The following LEP variants were observed in gnomAD, a reference collection of about 807,000 sequenced individuals.
The protein encoded by LEP is leptin (murine obesity homolog).
Under a neutral mutation model 9.8 loss-of-function variants are expected in LEP, and 6 were observed. The observed-to-expected ratio is 0.61, with a 90% confidence interval of 0.34 to 1.21. The LOEUF (loss-of-function observed/expected upper bound fraction) is 1.21, where lower values mean the gene tolerates loss of function less well. LEP is among the 50% of genes most tolerant of loss of function. The probability of loss-of-function intolerance (pLI) is 0.04; values close to 1 mark genes in which losing one functional copy is unlikely to be tolerated. For synonymous variants in LEP, 112 were observed against 81.7 expected (o/e 1.37, Z -2.00); for missense variants, 134 against 198.1 (o/e 0.68, Z 1.94).
chr7:128,254,153 G>T (rs1197447378), intron 2 of LEP, among the ~76,000 whole-genome samples: 1 of 152,166 alleles, frequency 6.6e-6, no homozygotes, highest in East Asian at 1.9e-4. Context: ...GTAGAGAAAG[G>T]AATGACCTAG....
At chr7:128,246,493 C>T (rs1795212815) in intron 1 of LEP, among the ~76,000 whole-genome samples, 1 of 152,136 alleles carries the variant, frequency 6.6e-6, no homozygotes, top group Non-Finnish European at 1.5e-5. Flanking sequence ...CTTGCTGTGT[C>T]ACACAGGCTG....
At chr7:128,252,528 G>A (rs780191483) in intron 2 of LEP, among the ~76,000 whole-genome samples, 13 of 152,046 alleles carry the variant, frequency 8.6e-5, no homozygotes, top group Non-Finnish European at 1.8e-4. Context: ...CCAAGAGTTC[G>A]AGACCAGCCT....
chr7:128,242,017 G>A (rs4731426), intron 1 of LEP, among the ~76,000 whole-genome samples: 5 of 152,078 alleles, frequency 3.3e-5, no homozygotes, highest in African/African-American at 1.2e-4. Context: ...TGCTAAATAC[G>A]CGCTGTTGGC....
At position 128,255,165 on chromosome 7, in the gene LEP, T is replaced by C. The variant is rs554578326; in HGVS notation, c.*402T>C. The C allele has an allele frequency of 1.8e-5, 4 of 221,336 alleles. No individual in the cohort carries two copies. The South Asian group carries it at 2.3e-4, about 13-fold the overall frequency. The allele number at this position is 221,336 out of a possible 1,614,324, so 13.7% of individuals were successfully genotyped here. On this transcript the variant is annotated 3_prime_UTR_variant, in exon 3 of 3. Transcript: ENST00000308868. ...GAGCCTTTGGATGACCAGAACAAGGTTCCCTCTGAGAATTCCAAGGAGTTC... is the reference window on the plus strand; with the variant it reads ...GAGCCTTTGGATGACCAGAACAAGGCTCCCTCTGAGAATTCCAAGGAGTTC...
intron 1 of LEP, among the ~76,000 whole-genome samples, chr7:128,246,817 C>A (rs1005526187): frequency 6.6e-6 from 1 of 152,008 alleles, no homozygotes; most frequent in Non-Finnish European, 1.5e-5. Context: ...CATTTCTTCT[C>A]CAGGGTACCC....
chr7:128,243,469 G>A (rs1232355562), intron 1 of LEP, among the ~76,000 whole-genome samples: 1 of 152,168 alleles, frequency 6.6e-6, no homozygotes, highest in Non-Finnish European at 1.5e-5. Context: ...GCAGGAGCCA[G>A]GCTCATGAAA....
Position 128,257,532 on chromosome 7 carries a change from G to A in LEP, c.*2769G>A, listed in dbSNP as rs1469708105. ...TACAGTGAGCCAAGATCGCGCCACT[G>A]CACTCCGGCCTGATGACAGAGCGAG... On this transcript the variant is annotated 3_prime_UTR_variant, in exon 3 of 3. Transcript: ENST00000308868. 6.8e-6 allele frequency: 1 copy of A among 147,264 alleles called. No individual in the cohort carries two copies. Among genetic ancestry groups the A allele is most frequent in the Non-Finnish European group, 1.5e-5 (1 of 67,486 alleles). 9.1% of individuals were successfully genotyped at this position (147,264 alleles called of 1,614,324 possible). A position where few individuals can be genotyped will look rare whatever the true frequency, so the allele number is the denominator to read the frequency against.
intron 1 of LEP, among the ~76,000 whole-genome samples, chr7:128,247,603 C>G (rs528344404): frequency 6.6e-6 from 1 of 152,322 alleles, no homozygotes; most frequent in Non-Finnish European, 1.5e-5. Flanking sequence ...GGGCTGCCCT[C>G]TCCTCCACCT....
At chr7:128,250,836 G>A (rs559791973) in intron 1 of LEP, among the ~76,000 whole-genome samples, 1 of 152,186 alleles carries the variant, frequency 6.6e-6, no homozygotes, top group Non-Finnish European at 1.5e-5. Context: ...TATTATTTCA[G>A]GCTCATGCAC....
At chr7:128,246,027 C>T (rs948320154) in intron 1 of LEP, among the ~76,000 whole-genome samples, 10 of 151,014 alleles carry the variant, frequency 6.6e-5, no homozygotes, top group African/African-American at 1.5e-4. Context: ...GCCGAGGTCA[C>T]GCCACTGCAC....
chr7:128,246,361 G>A (rs1268068494), intron 1 of LEP, among the ~76,000 whole-genome samples: 1 of 152,210 alleles, frequency 6.6e-6, no homozygotes, highest in Admixed American at 6.5e-5. Flanking sequence ...GAGGACCCAG[G>A]TGGAGGTAGA....
Position 128,255,461 on chromosome 7 carries a change from G to C in LEP, c.*698G>C, listed in dbSNP as rs1034540005. On this transcript the variant is annotated 3_prime_UTR_variant, in exon 3 of 3. Transcript: ENST00000308868. ...AGGTGGCTCTCCAGTTAGTTCTCTCGTAACTGGTTTCATTTCTACTGTGAC... is the reference window on the plus strand; with the variant it reads ...AGGTGGCTCTCCAGTTAGTTCTCTCCTAACTGGTTTCATTTCTACTGTGAC... 1 of 153,112 alleles carries C rather than the reference G, an allele frequency of 6.5e-6. No homozygotes were observed. Among genetic ancestry groups the C allele is most frequent in the Non-Finnish European group, 1.5e-5 (1 of 68,712 alleles). 9.5% of individuals were successfully genotyped at this position (153,112 alleles called of 1,614,324 possible).
intron 2 of LEP, among the ~76,000 whole-genome samples, chr7:128,252,843 A>G (rs949150964): frequency 2.6e-5 from 4 of 152,162 alleles, no homozygotes; most frequent in African/African-American, 9.7e-5. Flanking sequence ...TGAGGCCAGG[A>G]GTTCAAGACC....
In LEP at chr7:128,257,523, C is replaced by T. The variant is rs376558541; in HGVS notation, c.*2760C>T. ...GGCGGAGAGTACAGTGAGCCAAGAT[C>T]GCGCCACTGCACTCCGGCCTGATGA... On this transcript the variant is annotated 3_prime_UTR_variant, in exon 3 of 3. Coordinates refer to ENST00000308868, the MANE Select transcript of LEP (RefSeq NM_000230.3). The T allele has an allele frequency of 1.3e-5, 2 of 149,474 alleles. No individual in the cohort carries two copies. The highest frequency in any genetic ancestry group is 3.0e-5 in the Non-Finnish European group (2 of 67,718). 9.3% of individuals were successfully genotyped at this position (149,474 alleles called of 1,614,324 possible). A position where few individuals can be genotyped will look rare whatever the true frequency, so the allele number is the denominator to read the frequency against.
At chr7:128,242,408 A>G (rs898265207) in intron 1 of LEP, among the ~76,000 whole-genome samples, 6 of 152,090 alleles carry the variant, frequency 3.9e-5, no homozygotes, top group Non-Finnish European at 7.4e-5. Context: ...AATTTTGCCA[A>G]TCTCTTTCAT....
At chr7:128,251,930 T>C in intron 1 of LEP, 61 bp from the exon 2 acceptor site, 2 of 1,344,510 alleles carry the variant, frequency 1.5e-6, no homozygotes, top group Admixed American at 1.7e-5. Context: ...GTTGGTAATG[T>C]GAAGATGGGT....
rs1013725733 is a variant in LEP, at chr7:128,252,078, A to G, written c.60A>G (p.Gln20=). 1.2e-6 allele frequency: 2 copies of G among 1,614,054 alleles called. No individual in the cohort carries two copies. The highest frequency in any genetic ancestry group is 3.3e-5 in the Admixed American group (2 of 60,002). The change falls in exon 2 of 3, where the codon CAA becomes CAG. Residue 20 remains glutamine, a synonymous_variant. Coordinates refer to ENST00000308868, the MANE Select transcript of LEP (RefSeq NM_000230.3). ...LWLWPYLFYV[Q]AVPIQKVQDD... ...TTTGGCCCTATCTTTTCTATGTCCA[A>G]GCTGTGCCCATCCAAAAAGTCCAAG...
chr7:128,254,290 G>C, intron 2 of LEP, 114 bp from the exon 3 acceptor site: 1 of 1,389,788 alleles, frequency 7.2e-7, no homozygotes. Context: ...GTGAGGGAGG[G>C]TGGAAGGAGG....
chr7:128,254,735 G>C lies in LEP; in HGVS notation c.476G>C (p.Trp159Ser). Residue 159 changes from tryptophan to serine, a missense_variant, in exon 3 of 3, where the codon TGG becomes TCG. By Grantham distance (177) the Trp-to-Ser change is radical (BLOSUM62 -3). Coordinates refer to ENST00000308868, the MANE Select transcript of LEP (RefSeq NM_000230.3). Reference protein sequence around the residue: ...RLQGSLQDMLWQLDLSPGC With the variant: ...RLQGSLQDMLSQLDLSPGC The stretch of plus-strand genomic sequence containing the variant: ...CAGGGGTCTCTGCAGGACATGCTGT[G>C]GCAGCTGGACCTCAGCCCTGGGTGC... The C allele has an allele frequency of 6.2e-7, 1 of 1,612,172 alleles. No homozygotes were observed.
Sources: allele counts gnomAD v4.1 joint callset (sites outside exome capture counted in the v4.1 genomes callset), GRCh38; gene constraint gnomAD v4.1.1; transcripts MANE v1.5; gene names NCBI Gene and HGNC (gene_info 2026-07-23, HGNC 2026-07-21).